The following SEMA3A variants were observed in gnomAD, a reference collection of about 807,000 sequenced individuals.
The protein encoded by SEMA3A is semaphorin-3A.
A neutral mutation model predicts 97.9 loss-of-function variants in SEMA3A; 29 were observed. That is an observed-to-expected ratio of 0.30 (90% CI 0.22 to 0.40). The LOEUF is 0.40. Among genes scored for constraint, SEMA3A ranks in the 10% least tolerant of loss-of-function variants. SEMA3A has a pLI of 1.00. For missense variants in SEMA3A, 763 were observed against 951.3 expected (o/e 0.80, Z 2.60); for synonymous variants, 321 against 323.7 (o/e 0.99, Z 0.09).
chr7:84,025,586 A>C (rs1791516290), intron 6 of SEMA3A, among the ~76,000 whole-genome samples: 1 of 152,064 alleles, frequency 6.6e-6, no homozygotes, highest in South Asian at 2.1e-4. Context: ...GGCCTGGAAA[A>C]ACTTCTGATG....
intron 2 of SEMA3A, among the ~76,000 whole-genome samples, chr7:84,310,375 T>G (rs1339699037): frequency 6.6e-6 from 1 of 152,080 alleles, no homozygotes; most frequent in Non-Finnish European, 1.5e-5. Context: ...CAGTTGTTTT[T>G]TTTTTATTCA....
chr7:84,382,776 G>C (rs1310239746), intron 1 of SEMA3A, among the ~76,000 whole-genome samples: 2 of 151,200 alleles, frequency 1.3e-5, no homozygotes, highest in Non-Finnish European at 2.9e-5. Context: ...TACTCGGGAG[G>C]CTGAGGCAGG....
At chr7:84,074,432 C>T (rs940744992) in intron 4 of SEMA3A, among the ~76,000 whole-genome samples, 3 of 152,058 alleles carry the variant, frequency 2.0e-5, no homozygotes, top group African/African-American at 7.2e-5. Context: ...AATATAAACT[C>T]ACATGAATAA....
At chr7:84,154,632 C>T (rs1038330600) in intron 1 of SEMA3A, among the ~76,000 whole-genome samples, 5 of 146,570 alleles carry the variant, frequency 3.4e-5, no homozygotes, top group Admixed American at 7.0e-5. Flanking sequence ...GCCAAGATCG[C>T]GCCACTGCAC....
chr7:84,379,120 G>A (rs1000763007), intron 1 of SEMA3A, among the ~76,000 whole-genome samples: 1 of 151,904 alleles, frequency 6.6e-6, no homozygotes, highest in Non-Finnish European at 1.5e-5. Flanking sequence ...GTAGAGACAG[G>A]GTTTCACCGT....
chr7:84,434,051 T>C (rs531874436), intron 1 of SEMA3A, among the ~76,000 whole-genome samples: 2 of 152,326 alleles, frequency 1.3e-5, no homozygotes, highest in East Asian at 3.9e-4. Context: ...TAGTTTCTTT[T>C]GCTGTGCAGA....
At chr7:84,481,689 CCAT>C (rs545085513) in intron 1 of SEMA3A, among the ~76,000 whole-genome samples, 1 of 151,998 alleles carries the variant, frequency 6.6e-6, no homozygotes, top group Non-Finnish European at 1.5e-5. Flanking sequence ...TTATATTGCA[CCAT>C]CTTCATTTTA....
chr7:84,220,467 G>C (rs1238744793), intron 3 of SEMA3A, among the ~76,000 whole-genome samples: 1 of 152,118 alleles, frequency 6.6e-6, no homozygotes, highest in African/African-American at 2.4e-5. Flanking sequence ...ATCATTTCCA[G>C]GTTTTGGATT....
intron 4 of SEMA3A, among the ~76,000 whole-genome samples, chr7:84,074,908 T>C (rs1262289917): frequency 6.6e-6 from 1 of 152,076 alleles, no homozygotes; most frequent in Non-Finnish European, 1.5e-5. Flanking sequence ...TAAAAATGCA[T>C]TTTACCTATT....
intron 2 of SEMA3A, among the ~76,000 whole-genome samples, chr7:84,349,455 A>C (rs1382494442): frequency 6.6e-6 from 1 of 152,196 alleles, no homozygotes; most frequent in Non-Finnish European, 1.5e-5. Flanking sequence ...GTTTTCAGAA[A>C]ACTCAAATAA....
chr7:84,239,226 G>GT (rs1401224410), intron 3 of SEMA3A, among the ~76,000 whole-genome samples: 7 of 152,112 alleles, frequency 4.6e-5, no homozygotes, highest in Non-Finnish European at 8.8e-5. Flanking sequence ...AAAATTAATA[G>GT]TTTTTTAATT....
intron 3 of SEMA3A, among the ~76,000 whole-genome samples, chr7:84,293,282 T>C (rs1361309031): frequency 6.6e-6 from 1 of 152,046 alleles, no homozygotes; most frequent in Non-Finnish European, 1.5e-5. Flanking sequence ...TCAGAGCCAG[T>C]TAGGAACACT....
chr7:84,010,874 T>C, intron 9 of SEMA3A, 148 bp downstream of exon 9: 1 of 566,080 alleles, frequency 1.8e-6, no homozygotes, highest in Non-Finnish European at 3.2e-6. Context: ...ACGTAGATCA[T>C]AACTTCTTTC....
At chr7:84,166,581 A>G (rs1050147762) in intron 1 of SEMA3A, among the ~76,000 whole-genome samples, 5 of 150,900 alleles carry the variant, frequency 3.3e-5, no homozygotes, top group African/African-American at 1.2e-4. Context: ...AAAAAAAAAA[A>G]AAAATTGCCG....
At position 84,299,318 on chromosome 7, in the gene SEMA3A, A is replaced by G. The variant is rs13229178; in HGVS notation, c.-83+7889T>C. Among the ~76,000 whole-genome samples the G allele has an allele frequency of 1.5e-4, 17 of 114,228 alleles. No homozygotes were observed. In the South Asian group the frequency reaches 2.7e-3, roughly 18 times the overall value. 74.9% of individuals were successfully genotyped at this position (114,228 alleles called of 152,430 possible). On this transcript the variant is annotated intron_variant, in intron 3 of 3. Transcript: ENST00000424555. ...TCCATATATATATCTCCATATATAT[A>G]TATATCTCCATATATATGTATCTCT...
At chr7:84,370,175 T>C (rs1392766701) in intron 2 of SEMA3A, among the ~76,000 whole-genome samples, 2 of 151,584 alleles carry the variant, frequency 1.3e-5, no homozygotes, top group Admixed American at 6.6e-5. Context: ...AGTAACTTAT[T>C]CTGCAGGCAA....
intron 1 of SEMA3A, among the ~76,000 whole-genome samples, chr7:84,426,004 C>G (rs1326249879): frequency 6.7e-6 from 1 of 150,130 alleles, no homozygotes; most frequent in East Asian, 2.0e-4. Flanking sequence ...TGTAAATTCT[C>G]ATTTATATTT....
chr7:84,158,041 C>T (rs989576486), intron 1 of SEMA3A, among the ~76,000 whole-genome samples: 4 of 151,484 alleles, frequency 2.6e-5, no homozygotes, highest in Admixed American at 2.0e-4. Flanking sequence ...TCTTTTCTGT[C>T]GTAGGTCTTT....
chr7:84,077,721 C>A (rs1022352667), intron 4 of SEMA3A, among the ~76,000 whole-genome samples: 15 of 151,862 alleles, frequency 9.9e-5, no homozygotes, highest in African/African-American at 3.6e-4. Flanking sequence ...ACAATTCTGT[C>A]AATTCTTAGC....
Sources: allele counts gnomAD v4.1 joint callset (sites outside exome capture counted in the v4.1 genomes callset), GRCh38; gene constraint gnomAD v4.1.1; transcripts MANE v1.5; gene names NCBI Gene and HGNC (gene_info 2026-07-23, HGNC 2026-07-21).